SH3KBP1: variants seen among roughly 807,000 people sequenced by gnomAD.
SH3KBP1 encodes SH3 domain-containing kinase-binding protein 1.
SH3KBP1 carries 8 observed loss-of-function variants against 50.1 expected under a neutral mutation model. The ratio of observed to expected loss-of-function variants is 0.16; its 90% CI spans 0.09 to 0.29. SH3KBP1 has a LOEUF of 0.29. Among genes scored for constraint, SH3KBP1 ranks in the 10% least tolerant of loss-of-function variants. The pLI is 1.00. For synonymous variants in SH3KBP1, 227 were observed against 218.6 expected (o/e 1.04, Z -0.34); for missense variants, 377 against 535.2 (o/e 0.70, Z 2.92).
At chrX:19,723,985 G>T (rs925752181) in intron 3 of SH3KBP1, among the ~76,000 whole-genome samples, 32 of 111,688 alleles carry the variant, frequency 2.9e-4, no homozygotes, top group Non-Finnish European at 2.3e-4. Flanking sequence ...CTATTTATTC[G>T]AAGCAGATAA....
chrX:19,728,241 T>C (rs2064280272), intron 3 of SH3KBP1, among the ~76,000 whole-genome samples: 1 of 111,758 alleles, frequency 8.9e-6, no homozygotes, highest in African/African-American at 3.3e-5. Flanking sequence ...TGTAATCTGA[T>C]ATCCAAAATG....
At chrX:19,856,074 G>C (rs1394450443) in intron 1 of SH3KBP1, among the ~76,000 whole-genome samples, 1 of 110,395 alleles carries the variant, frequency 9.1e-6, no homozygotes, top group Non-Finnish European at 1.9e-5. Context: ...CGCATCATGG[G>C]AGCATGGGGA....
chrX:19,677,982 T>C (rs1024268583), intron 6 of SH3KBP1, among the ~76,000 whole-genome samples: 1 of 112,017 alleles, frequency 8.9e-6, no homozygotes, highest in Admixed American at 9.5e-5. Flanking sequence ...TTTCCTCCTC[T>C]TGGAAGTCAG....
intron 2 of SH3KBP1, among the ~76,000 whole-genome samples, chrX:19,777,269 A>G (rs1364387871): frequency 9.0e-6 from 1 of 111,512 alleles, no homozygotes; most frequent in African/African-American, 3.3e-5. Context: ...GCCTGGAGCC[A>G]AAGGGATCCT....
At chrX:19,732,678 C>A (rs1397719377) in intron 3 of SH3KBP1, among the ~76,000 whole-genome samples, 4 of 104,559 alleles carry the variant, frequency 3.8e-5, no homozygotes, top group African/African-American at 1.4e-4. Flanking sequence ...TCTAAAATAT[C>A]ATTTGTTCAA....
intron 2 of SH3KBP1, among the ~76,000 whole-genome samples, chrX:19,763,785 G>A (rs1054603726): frequency 6.3e-5 from 7 of 110,647 alleles, no homozygotes; most frequent in Non-Finnish European, 1.3e-4. Context: ...ACTTTGGGAG[G>A]CCAAGGTGGG....
At chrX:19,738,585 T>C (rs2064666111) in intron 3 of SH3KBP1, among the ~76,000 whole-genome samples, 1 of 107,863 alleles carries the variant, frequency 9.3e-6, no homozygotes, top group Admixed American at 1.0e-4. Flanking sequence ...TCCAGCATTC[T>C]ATACTGTGTG....
At chrX:19,559,410 T>G (rs1185125302) in intron 13 of SH3KBP1, among the ~76,000 whole-genome samples, 1 of 96,735 alleles carries the variant, frequency 1.0e-5, no homozygotes, top group Non-Finnish European at 2.0e-5. Flanking sequence ...CACTGCAACC[T>G]CCGCCTCCCG....
At chrX:19,760,041 C>CCTCTCCCTCTCCCTCT (rs1556346157) in intron 2 of SH3KBP1, among the ~76,000 whole-genome samples, 21 of 50,449 alleles carry the variant, frequency 4.2e-4, no homozygotes, top group African/African-American at 1.9e-3. Flanking sequence ...TCTCTCTCTC[C>CCTCTCCCTCTCCCTCT]CTCTCTCTCT....
rs762880125 is a variant in SH3KBP1, at chrX:19,864,854, G to T, written c.4+22453C>A. Among the ~76,000 whole-genome samples, 5 of 112,246 alleles carry T rather than the reference G, an allele frequency of 4.5e-5. No homozygotes were observed. In the East Asian group the frequency reaches 1.1e-3, roughly 25 times the overall value. Reference sequence around the variant, plus strand: ...TGACGGATAAGCGACTGTTAATGAAGTAAAACTCTCTATGCGGAGCCCACA... The same window carrying T: ...TGACGGATAAGCGACTGTTAATGAATTAAAACTCTCTATGCGGAGCCCACA... On this transcript the variant is annotated intron_variant, in intron 1 of 17. Coordinates refer to ENST00000397821, the MANE Select transcript of SH3KBP1 (RefSeq NM_031892.3).
chrX:19,564,651 T>A (rs919830160), intron 13 of SH3KBP1, among the ~76,000 whole-genome samples: 3 of 111,114 alleles, frequency 2.7e-5, no homozygotes, highest in Non-Finnish European at 5.7e-5. Flanking sequence ...ATAATTACTT[T>A]TTTGTATATG....
intron 3 of SH3KBP1, among the ~76,000 whole-genome samples, chrX:19,713,975 G>A (rs2063840626): frequency 8.9e-6 from 1 of 111,911 alleles, no homozygotes; most frequent in Admixed American, 9.5e-5. Flanking sequence ...AGGAAACTGT[G>A]GTACATATAC....
intron 4 of SH3KBP1, among the ~76,000 whole-genome samples, chrX:19,706,074 A>T (rs1327644749): frequency 9.0e-6 from 1 of 111,681 alleles, no homozygotes; most frequent in Non-Finnish European, 1.9e-5. Context: ...CACTCACATG[A>T]CAGCTCCCTT....
chrX:19,634,668 G>A (rs1288238967), intron 7 of SH3KBP1, among the ~76,000 whole-genome samples: 2 of 111,497 alleles, frequency 1.8e-5, no homozygotes, highest in Non-Finnish European at 3.8e-5. Flanking sequence ...TGGGCCAGAA[G>A]GCAGGATACT....
intron 5 of SH3KBP1, among the ~76,000 whole-genome samples, chrX:19,688,330 C>T (rs1018611874): frequency 3.6e-5 from 4 of 111,521 alleles, no homozygotes; most frequent in African/African-American, 1.3e-4. Flanking sequence ...CATAAACATA[C>T]GGGGTTTTCT....
At chrX:19,599,801 C>T (rs1478650207) in intron 9 of SH3KBP1, among the ~76,000 whole-genome samples, 1 of 111,493 alleles carries the variant, frequency 9.0e-6, no homozygotes, top group East Asian at 2.8e-4. Context: ...GACTGTCCCC[C>T]TCCCCAAAAT....
intron 1 of SH3KBP1, among the ~76,000 whole-genome samples, chrX:19,882,245 A>C (rs2069454643): frequency 9.0e-6 from 1 of 111,196 alleles, no homozygotes; most frequent in Non-Finnish European, 1.9e-5. Context: ...TGGTCAGAAT[A>C]ACATTCCCTC....
intron 1 of SH3KBP1, among the ~76,000 whole-genome samples, chrX:19,846,219 AT>A (rs765082543): frequency 4.9e-4 from 53 of 107,512 alleles, no homozygotes; most frequent in Non-Finnish European, 8.7e-4. Flanking sequence ...ACCCAGCTAA[AT>A]TTTTTTTTAA....
At chrX:19,794,042 G>A (rs1287941148) in intron 2 of SH3KBP1, among the ~76,000 whole-genome samples, 1 of 110,232 alleles carries the variant, frequency 9.1e-6, no homozygotes, top group Admixed American at 9.7e-5. Context: ...TTAATGCGAG[G>A]ACAACAGGCA....
Sources: allele counts gnomAD v4.1 joint callset (sites outside exome capture counted in the v4.1 genomes callset), GRCh38; gene constraint gnomAD v4.1.1; transcripts MANE v1.5; gene names NCBI Gene and HGNC (gene_info 2026-07-23, HGNC 2026-07-21).